The following LHFPL3 variants were observed in gnomAD, a reference collection of about 807,000 sequenced individuals.
The protein encoded by LHFPL3 is LHFPL tetraspan subfamily member 3 protein.
A neutral mutation model predicts 19.3 loss-of-function variants in LHFPL3; 5 were observed. The observed-to-expected ratio is 0.26, with a 90% CI of 0.14 to 0.54. The LOEUF (loss-of-function observed/expected upper bound fraction) is 0.54, where lower values mean the gene tolerates loss of function less well. LHFPL3 is among the 20% of genes least tolerant of loss of function. The probability of loss-of-function intolerance (pLI) is 0.94; values close to 1 mark genes in which losing one functional copy is unlikely to be tolerated. For synonymous variants in LHFPL3, 133 were observed against 126.2 expected (o/e 1.05, Z -0.36); for missense variants, 249 against 307.4 (o/e 0.81, Z 1.42).
chr7:104,612,652 G>A (rs953490567), intron 1 of LHFPL3, among the ~76,000 whole-genome samples: 4 of 152,156 alleles, frequency 2.6e-5, no homozygotes, highest in African/African-American at 9.7e-5. Flanking sequence ...CTCAAGGAAA[G>A]CTCTGAAGAC....
At chr7:104,439,263 A>G (rs1792171730) in intron 1 of LHFPL3, among the ~76,000 whole-genome samples, 1 of 152,168 alleles carries the variant, frequency 6.6e-6, no homozygotes, top group South Asian at 2.1e-4. Context: ...TCTTTTAGAA[A>G]ACAGAGGATG....
chr7:104,563,020 G>C (rs1328071377), intron 1 of LHFPL3, among the ~76,000 whole-genome samples: 9 of 152,212 alleles, frequency 5.9e-5, no homozygotes, highest in African/African-American at 1.9e-4. Flanking sequence ...GGACCCACTT[G>C]AGGAGACAGT....
At chr7:104,747,504 G>C (rs1338296167) in intron 2 of LHFPL3, among the ~76,000 whole-genome samples, 1 of 152,204 alleles carries the variant, frequency 6.6e-6, no homozygotes, top group Non-Finnish European at 1.5e-5. Flanking sequence ...TAGGTTTGTA[G>C]GTCCCTGTGT....
At chr7:104,888,460 T>C (rs1164166972) in intron 2 of LHFPL3, among the ~76,000 whole-genome samples, 2 of 151,982 alleles carry the variant, frequency 1.3e-5, no homozygotes, top group African/African-American at 4.8e-5. Context: ...GACCCAGGAG[T>C]TGGAGGTTGC....
intron 1 of LHFPL3, among the ~76,000 whole-genome samples, chr7:104,596,918 A>G (rs921219906): frequency 1.3e-5 from 2 of 152,170 alleles, no homozygotes; most frequent in Non-Finnish European, 1.5e-5. Context: ...ATCTTTGTTC[A>G]TCCATTTTAT....
chr7:104,556,056 C>T (rs1010836458), intron 1 of LHFPL3, among the ~76,000 whole-genome samples: 1 of 152,228 alleles, frequency 6.6e-6, no homozygotes, highest in Admixed American at 6.5e-5. Flanking sequence ...GGCAGATCTG[C>T]CCCTGTGGCT....
At chr7:104,854,473 T>G (rs1791465399) in intron 2 of LHFPL3, among the ~76,000 whole-genome samples, 1 of 152,202 alleles carries the variant, frequency 6.6e-6, no homozygotes, top group Admixed American at 6.5e-5. Flanking sequence ...CTCAAAATTA[T>G]CCTTATACTG....
chr7:104,713,413 T>G (rs1265706632), intron 1 of LHFPL3, among the ~76,000 whole-genome samples: 1 of 152,176 alleles, frequency 6.6e-6, no homozygotes, highest in Non-Finnish European at 1.5e-5. Context: ...CATGGAAACT[T>G]ACAATCGTGG....
At chr7:104,414,046 AATCCCTTT>A (rs1237473228) in intron 1 of LHFPL3, among the ~76,000 whole-genome samples, 1 of 152,082 alleles carries the variant, frequency 6.6e-6, no homozygotes, top group African/African-American at 2.4e-5. Flanking sequence ...ATTTAATGTT[AATCCCTTT>A]ATCCCTTGTA....
At chr7:104,722,639 G>A (rs959345469) in intron 1 of LHFPL3, among the ~76,000 whole-genome samples, 9 of 152,104 alleles carry the variant, frequency 5.9e-5, no homozygotes, top group Middle Eastern at 3.2e-3. Flanking sequence ...TGTCAGCCAC[G>A]TGCCAATAAA....
intron 1 of LHFPL3, among the ~76,000 whole-genome samples, chr7:104,639,823 C>T (rs1248302434): frequency 2.6e-5 from 4 of 152,156 alleles, no homozygotes; most frequent in Non-Finnish European, 4.4e-5. Flanking sequence ...AAGTCATTGA[C>T]ATCAAATAAT....
chr7:104,857,914 T>C (rs549285754), intron 2 of LHFPL3, among the ~76,000 whole-genome samples: 1 of 152,128 alleles, frequency 6.6e-6, no homozygotes, highest in East Asian at 1.9e-4. Flanking sequence ...GGGCTTGTGG[T>C]TTGCAATCAT....
intron 1 of LHFPL3, among the ~76,000 whole-genome samples, chr7:104,372,879 G>A (rs540619399): frequency 6.6e-6 from 1 of 152,146 alleles, no homozygotes; most frequent in East Asian, 1.9e-4. Flanking sequence ...CAGTGAATGG[G>A]TGGATCATGA....
intron 2 of LHFPL3, among the ~76,000 whole-genome samples, chr7:104,770,774 T>C (rs1345362269): frequency 6.6e-6 from 1 of 152,198 alleles, no homozygotes; most frequent in East Asian, 1.9e-4. Flanking sequence ...CAAAACCAGA[T>C]ATGAAGCCTA....
intron 1 of LHFPL3, among the ~76,000 whole-genome samples, chr7:104,729,141 T>C (rs1208045883): frequency 6.6e-6 from 1 of 152,220 alleles, no homozygotes; most frequent in Non-Finnish European, 1.5e-5. Flanking sequence ...TGCAGTGTTT[T>C]TCAGCCTTAC....
At chr7:104,824,884 ATT>A (rs1323645689) in intron 2 of LHFPL3, among the ~76,000 whole-genome samples, 12 of 135,128 alleles carry the variant, frequency 8.9e-5, no homozygotes, top group African/African-American at 3.0e-4. Flanking sequence ...AATTATATAT[ATT>A]ATATAATAAT....
chr7:104,407,323 A>G (rs1215900628), intron 1 of LHFPL3, among the ~76,000 whole-genome samples: 1 of 152,218 alleles, frequency 6.6e-6, no homozygotes, highest in Non-Finnish European at 1.5e-5. Flanking sequence ...GATGAGCACA[A>G]AAAATGTTCT....
chr7:104,371,595 G>A (rs1221935695), intron 1 of LHFPL3, among the ~76,000 whole-genome samples: 2 of 151,958 alleles, frequency 1.3e-5, no homozygotes, highest in Non-Finnish European at 2.9e-5. Flanking sequence ...TGCAAATTCT[G>A]GAGTAGTGAT....
intron 2 of LHFPL3, among the ~76,000 whole-genome samples, chr7:104,755,177 C>T (rs1267884709): frequency 6.6e-6 from 1 of 152,118 alleles, no homozygotes; most frequent in Admixed American, 6.6e-5. Context: ...AACTAGCAGA[C>T]TAGAATGTCT....
Sources: gnomAD v4.1 joint callset for allele counts (sites outside exome capture counted in the v4.1 genomes callset) on GRCh38, gnomAD v4.1.1 for gene constraint, MANE v1.5 for transcripts, NCBI Gene and HGNC (gene_info 2026-07-23, HGNC 2026-07-21) for gene names.